WNK1: variants seen among roughly 807,000 people sequenced by gnomAD.
WNK1 encodes serine/threonine-protein kinase WNK1.
A neutral mutation model predicts 222.8 loss-of-function variants in WNK1; 38 were observed. That is an observed-to-expected ratio of 0.17 (90% CI 0.13 to 0.22). WNK1 has a LOEUF of 0.22. WNK1 is among the 10% of genes least tolerant of loss of function. The probability of loss-of-function intolerance (pLI) is 1.00; values close to 1 mark genes in which losing one functional copy is unlikely to be tolerated. For missense variants in WNK1, 2,348 were observed against 2,918.4 expected (o/e 0.80, Z 4.50); for synonymous variants, 1,090 against 1,092.9 (o/e 1.00, Z 0.05).
chr12:903,452 T>C (rs979914912), intron 26 of WNK1, among the ~76,000 whole-genome samples: 11 of 152,120 alleles, frequency 7.2e-5, no homozygotes, highest in African/African-American at 2.2e-4. Context: ...GGGGGTGTTT[T>C]TGAAGTAGAA....
chr12:768,281 G>A (rs142548337), intron 1 of WNK1, among the ~76,000 whole-genome samples: 4 of 152,032 alleles, frequency 2.6e-5, no homozygotes, highest in Non-Finnish European at 5.9e-5. Flanking sequence ...GGTTACAGGC[G>A]CTTGCAACCA....
intron 2 of WNK1, among the ~76,000 whole-genome samples, chr12:814,617 T>C (rs1453295651): frequency 6.6e-6 from 1 of 152,200 alleles, no homozygotes; most frequent in Non-Finnish European, 1.5e-5. Flanking sequence ...TTACTTATTG[T>C]AAAGAGCTTT....
intron 1 of WNK1, among the ~76,000 whole-genome samples, chr12:769,688 C>T (rs1041728445): frequency 3.9e-5 from 6 of 152,144 alleles, no homozygotes; most frequent in African/African-American, 9.7e-5. Context: ...CAGGTGTGCT[C>T]GGCTACTGGG....
intron 4 of WNK1, among the ~76,000 whole-genome samples, chr12:844,427 C>T (rs528002385): frequency 4.6e-5 from 7 of 152,264 alleles, no homozygotes; most frequent in East Asian, 1.9e-4. Flanking sequence ...TGAACGACCA[C>T]GCCAGGCCTG....
intron 5 of WNK1, among the ~76,000 whole-genome samples, chr12:857,917 G>A (rs1950910631): frequency 6.6e-6 from 1 of 152,136 alleles, no homozygotes; most frequent in African/African-American, 2.4e-5. Context: ...AAAGAAAAAG[G>A]AGACCAGCTA....
chr12:776,412 T>TTTTGTGTGTGTGTG (rs371184829), intron 1 of WNK1, among the ~76,000 whole-genome samples: 4 of 146,112 alleles, frequency 2.7e-5, no homozygotes, highest in African/African-American at 7.6e-5. Flanking sequence ...GTTTGTGTGT[T>TTTTGTGTGTGTGTG]TGTGTGTGTG....
intron 4 of WNK1, among the ~76,000 whole-genome samples, chr12:843,284 CTT>C (rs1027051362): frequency 3.3e-4 from 50 of 152,224 alleles, no homozygotes; most frequent in Admixed American, 1.8e-3. Flanking sequence ...CCTTTACACT[CTT>C]TAAAGTTATT....
chr12:780,580 G>T (rs72647390), intron 1 of WNK1, among the ~76,000 whole-genome samples: 1,539 of 152,346 alleles, frequency 0.01, 13 homozygotes, highest in Non-Finnish European at 0.017. Flanking sequence ...AGCTGGCATG[G>T]TCATTAATCT....
At chr12:856,205 T>C (rs1448618511) in intron 4 of WNK1, among the ~76,000 whole-genome samples, 1 of 151,278 alleles carries the variant, frequency 6.6e-6, no homozygotes, top group Non-Finnish European at 1.5e-5. Context: ...CCCGGCACTT[T>C]GGGAGGCCGA....
At chr12:831,056 A>G (rs1948750808) in intron 4 of WNK1, among the ~76,000 whole-genome samples, 1 of 152,196 alleles carries the variant, frequency 6.6e-6, no homozygotes, top group South Asian at 2.1e-4. Context: ...TCATTTAACT[A>G]GTTTATTCTT....
chr12:857,766 A>G (rs1460683982), intron 5 of WNK1, among the ~76,000 whole-genome samples: 2 of 152,202 alleles, frequency 1.3e-5, no homozygotes, highest in Non-Finnish European at 2.9e-5. Flanking sequence ...AGTCATTTGT[A>G]CTAACAGAGG....
chr12:759,426 G>A lies in WNK1; in HGVS notation c.759+5102G>A, dbSNP rs1248185359. 1.4e-5 allele frequency among the ~76,000 whole-genome samples: 2 copies of A among 147,348 alleles called. 1 individual carries two copies. The highest frequency in any genetic ancestry group is 3.0e-5 in the Non-Finnish European group (2 of 66,042). On this transcript the variant is annotated intron_variant, in intron 1 of 27. Coordinates refer to ENST00000315939, the MANE Select transcript of WNK1 (RefSeq NM_018979.4). ...GCTCACTGCAACCTCCACCTCCCGG[G>A]TTCCAGCAATGCTCCTGCCTCAGCC...
intron 4 of WNK1, among the ~76,000 whole-genome samples, chr12:853,107 A>G (rs1950525634): frequency 6.6e-6 from 1 of 152,126 alleles, no homozygotes. Flanking sequence ...TCTCAGTTTT[A>G]TTGGCTAACT....
intron 4 of WNK1, among the ~76,000 whole-genome samples, chr12:830,455 A>G (rs563278797): frequency 6.6e-6 from 1 of 152,320 alleles, no homozygotes; most frequent in East Asian, 1.9e-4. Context: ...TAATTCAGCT[A>G]AACTCCTGTT....
chr12:890,172 C>G (rs1954082875), intron 21 of WNK1, among the ~76,000 whole-genome samples: 1 of 151,726 alleles, frequency 6.6e-6, no homozygotes, highest in Non-Finnish European at 1.5e-5. Flanking sequence ...AGGCCGGTCT[C>G]GAACTCCTGA....
At position 886,217 on chromosome 12, in the gene WNK1, A is replaced by G. The variant is rs1293582153; in HGVS notation, c.5280+133A>G. 3.2e-5 allele frequency: 26 copies of G among 810,476 alleles called. No individual in the cohort carries two copies. The East Asian group carries it at 6.5e-4, about 20-fold the overall frequency. The allele number at this position is 810,476 out of a possible 1,614,324, so 50.2% of individuals were successfully genotyped here. On this transcript the variant is annotated intron_variant, in intron 19 of 27. Transcript: ENST00000315939. ...GTACCTGGCTTATAGTATTTATTAA[A>G]TTGACAGCAGTTTGAGGGTATATCT...
chr12:794,313 A>C (rs1945108223), intron 1 of WNK1, among the ~76,000 whole-genome samples: 1 of 152,094 alleles, frequency 6.6e-6, no homozygotes, highest in South Asian at 2.1e-4. Context: ...ATTCTGTTGA[A>C]CCTTTTAAGG....
At chr12:808,097 C>A (rs1252148705) in intron 1 of WNK1, among the ~76,000 whole-genome samples, 1 of 151,822 alleles carries the variant, frequency 6.6e-6, no homozygotes, top group East Asian at 2.0e-4. Context: ...TTCTTGCTTT[C>A]TTCAGGAAGA....
chr12:878,097 G>T, intron 9 of WNK1, 115 bp from the exon 10 acceptor site: 1 of 1,363,976 alleles, frequency 7.3e-7, no homozygotes. Context: ...TGCATGTCTT[G>T]ATTACTAAAA....
Sources: gnomAD v4.1 joint callset for allele counts (sites outside exome capture counted in the v4.1 genomes callset) on GRCh38, gnomAD v4.1.1 for gene constraint, MANE v1.5 for transcripts, NCBI Gene and HGNC (gene_info 2026-07-23, HGNC 2026-07-21) for gene names.